The following TBCB variants were observed in gnomAD, a reference collection of about 807,000 sequenced individuals.
TBCB encodes the protein tubulin-folding cofactor B.
TBCB carries 18 observed loss-of-function variants against 29.2 expected under a neutral mutation model. The observed-to-expected ratio is 0.62, with a 90% CI of 0.43 to 0.91. The LOEUF (loss-of-function observed/expected upper bound fraction) is 0.91, where lower values mean the gene tolerates loss of function less well. Ranked by LOEUF, TBCB falls within the 40% of genes least tolerant of loss-of-function variation. The pLI is 0.00. For synonymous variants in TBCB, 172 were observed against 137.8 expected, an observed-to-expected ratio of 1.25 and a Z score of -1.74; for missense variants, 336 against 337.6, an observed-to-expected ratio of 1.00 and a Z score of 0.04.
intron 2 of TBCB, 96 bp from the exon 3 acceptor site, chr19:36,120,614 C>T (rs1170809376): frequency 5.0e-6 from 5 of 1,006,770 alleles, no homozygotes; most frequent in South Asian, 1.4e-5. Context: ...GAGGGAGATG[C>T]GTTTTTCCCA....
intron 3 of TBCB, 40 bp from the exon 4 acceptor site, chr19:36,121,487 G>A (rs1238123609): frequency 2.0e-6 from 3 of 1,528,396 alleles, no homozygotes; most frequent in Non-Finnish European, 2.6e-6. Context: ...TGTTAGGCCC[G>A]GCCGACACCC....
At chr19:36,122,049 G>A in intron 4 of TBCB, 1 of 420,950 alleles carries the variant, frequency 2.4e-6, no homozygotes, top group Non-Finnish European at 4.4e-6. Flanking sequence ...GCAGGAGTGA[G>A]GGAACACAGG....
At chr19:36,116,344 G>A in intron 2 of TBCB, 160 bp downstream of exon 2, 1 of 1,001,432 alleles carries the variant, frequency 1.0e-6, no homozygotes, top group East Asian at 2.7e-5. Flanking sequence ...ATTAGACAGG[G>A]ACAGCCTAGA....
intron 2 of TBCB, chr19:36,116,483 G>A: frequency 6.1e-6 from 2 of 326,202 alleles, no homozygotes; most frequent in South Asian, 4.7e-5. Flanking sequence ...ATGAGGAAAG[G>A]GTGACTTAAG....
Position 36,118,453 on chromosome 19 carries a change from G to C in TBCB, c.259-2257G>C, listed in dbSNP as rs576979156. 10 of 152,320 alleles carry C rather than the reference G, an allele frequency of 6.6e-5. No homozygotes were observed. In the East Asian group the frequency reaches 1.9e-3, roughly 29 times the overall value. 9.4% of individuals were successfully genotyped at this position (152,320 alleles called of 1,614,324 possible). On this transcript the variant is annotated intron_variant, in intron 2 of 5. Coordinates refer to ENST00000221855, the MANE Select transcript of TBCB (RefSeq NM_001281.3). ...TTCACGCCTGTAATCCCAGTGCCTT[G>C]GGAGGCTGAGGTGGACAGATCACTT...
chr19:36,121,485 C>A, intron 3 of TBCB, 42 bp from the exon 4 acceptor site: 1 of 1,526,086 alleles, frequency 6.6e-7, no homozygotes, highest in South Asian at 1.2e-5. Context: ...CCTGTTAGGC[C>A]CGGCCGACAC....
In TBCB at chr19:36,115,573, G is replaced by A; in HGVS notation, c.13G>A (p.Gly5Arg). MEVT[G>R]VSAPTVTVFI... ...AGGGCGCGGCAAGATGGAGGTGACG[G>A]GGGTGTCGGCACCCACGGTGACCGT... Residue 5 changes from glycine to arginine, a missense_variant, in exon 1 of 6, where the codon GGG (glycine) becomes AGG (arginine). Physicochemically the swap from Gly to Arg is moderately radical, Grantham distance 125. Transcript: ENST00000221855. 2.5e-6 allele frequency: 4 copies of A among 1,608,548 alleles called. No homozygotes were observed. Among genetic ancestry groups the A allele is most frequent in the Non-Finnish European group, 3.4e-6 (4 of 1,177,828 alleles).
chr19:36,120,916 G>T, intron 3 of TBCB, 110 bp downstream of exon 3: 1 of 992,128 alleles, frequency 1.0e-6, no homozygotes, highest in Non-Finnish European at 1.5e-6. Flanking sequence ...TGGTGTAGAC[G>T]GGGGGCCGAG....
intron 2 of TBCB, 36 bp from the exon 3 acceptor site, chr19:36,120,674 G>A (rs778568649): frequency 1.9e-6 from 3 of 1,604,974 alleles, no homozygotes; most frequent in Non-Finnish European, 2.6e-6. Context: ...TCCCTGGCCA[G>A]ACCCTGATCC....
intron 3 of TBCB, 84 bp downstream of exon 3, chr19:36,120,890 C>T (rs1974036514): frequency 6.7e-6 from 9 of 1,337,816 alleles, no homozygotes; most frequent in Non-Finnish European, 8.5e-6. Context: ...AGACAGGGCC[C>T]CTGCAGGGAG....
intron 4 of TBCB, among the ~76,000 whole-genome samples, chr19:36,123,326 A>G (rs1038579254): frequency 1.3e-5 from 2 of 150,496 alleles, no homozygotes; most frequent in Non-Finnish European, 2.9e-5. Context: ...CAGTGGCACA[A>G]TCTCGGCCAT....
At position 36,121,723 on chromosome 19, in the gene TBCB, G is replaced by A. The variant is rs1238176164; in HGVS notation, c.547+5G>A. 2 of 1,549,162 alleles carry A rather than the reference G, an allele frequency of 1.3e-6. No individual in the cohort carries two copies. Among genetic ancestry groups the A allele is most frequent in the Non-Finnish European group, 1.7e-6 (2 of 1,147,438 alleles). On this transcript the variant is annotated splice_donor_5th_base_variant and intron_variant, in intron 4 of 5. Transcript: ENST00000221855. ...GGGGCACCGTCATGTATGTAGGTGC[G>A]TGGCTCGCGGGCCCGGTCCCGGGCT...
intron 3 of TBCB, among the ~76,000 whole-genome samples, chr19:36,121,117 C>T (rs1350964607): frequency 8.4e-6 from 1 of 119,290 alleles, no homozygotes; most frequent in Admixed American, 9.1e-5. Flanking sequence ...ATGGGGCGGT[C>T]GGACGGGGTG....
In TBCB at chr19:36,115,490, C is replaced by CA; in HGVS notation, c.-71_-70insA. Reference sequence around the variant, plus strand: ...GGGGCTGATAGCCCAGCAGCAGCAGCGGCGGCGGCGGCTGCGGAGCGGGTG... The same window carrying CA: ...GGGGCTGATAGCCCAGCAGCAGCAGCAGGCGGCGGCGGCTGCGGAGCGGGTG... On this transcript the variant is annotated 5_prime_UTR_variant, in exon 1 of 6. Coordinates refer to ENST00000221855, the MANE Select transcript of TBCB (RefSeq NM_001281.3). The CA allele has an allele frequency of 2.1e-5, 24 of 1,165,114 alleles. No homozygotes were observed. Among genetic ancestry groups the CA allele is most frequent in the African/African-American group, 4.6e-5 (3 of 65,198 alleles). 72.2% of individuals were successfully genotyped at this position (1,165,114 alleles called of 1,614,324 possible). A position where few individuals can be genotyped will look rare whatever the true frequency, so the allele number is the denominator to read the frequency against.
intron 3 of TBCB, 27 bp downstream of exon 3, chr19:36,120,833 G>T (rs2231574): frequency 9.9e-6 from 16 of 1,609,846 alleles, no homozygotes; most frequent in East Asian, 4.5e-5. Flanking sequence ...GTCGAGGGGT[G>T]CGTGGGGGCC....
chr19:36,116,290 C>T (rs1973953327), intron 2 of TBCB, 106 bp downstream of exon 2: 1 of 1,445,756 alleles, frequency 6.9e-7, no homozygotes. Context: ...TAGGTCCTGC[C>T]TTCGTGGAGC....
chr19:36,115,386 G>C (rs2231572), upstream of TBCB: 1,747 of 599,652 alleles, frequency 2.9e-3, 25 homozygotes, highest in African/African-American at 0.03. Flanking sequence ...CCTCTTCCTG[G>C]CGGTGGGGAA....
chr19:36,115,913 G>C, intron 1 of TBCB, 128 bp from the exon 2 acceptor site: 2 of 1,390,052 alleles, frequency 1.4e-6, no homozygotes, highest in Non-Finnish European at 2.0e-6. Flanking sequence ...GAGGCGAGGG[G>C]CTGGATTGCG....
intron 4 of TBCB, among the ~76,000 whole-genome samples, chr19:36,124,529 G>A (rs938775775): frequency 2.0e-5 from 3 of 151,864 alleles, no homozygotes; most frequent in African/African-American, 7.3e-5. Context: ...CCATCGGTAT[G>A]TCGGGGTTTG....
Sources: allele counts gnomAD v4.1 joint callset (sites outside exome capture counted in the v4.1 genomes callset), GRCh38; gene constraint gnomAD v4.1.1; transcripts MANE v1.5; gene names NCBI Gene and HGNC (gene_info 2026-07-23, HGNC 2026-07-21).